Variants in SLCO4C1 observed in about 807,000 individuals in gnomAD.
The protein encoded by SLCO4C1 is organic anion transporter M1.
A neutral mutation model predicts 72.1 loss-of-function variants in SLCO4C1; 58 were observed. The ratio of observed to expected loss-of-function variants is 0.80; its 90% CI spans 0.65 to 1.00. The LOEUF is 1.00. Among genes scored for constraint, SLCO4C1 ranks in the 50% least tolerant of loss-of-function variants. SLCO4C1 has a pLI of 0.00. For synonymous variants in SLCO4C1, 297 were observed against 312.5 expected (o/e 0.95, Z 0.52); for missense variants, 898 against 857.9 (o/e 1.05, Z -0.58).
chr5:102,256,889 C>T (rs1027499032), intron 8 of SLCO4C1, among the ~76,000 whole-genome samples: 1 of 152,242 alleles, frequency 6.6e-6, no homozygotes, highest in African/African-American at 2.4e-5. Context: ...GTATAGTGCC[C>T]AGTATATGAA....
rs1748400671 is a variant in SLCO4C1, at chr5:102,234,610, G to A, written c.*2248C>T. On this transcript the variant is annotated 3_prime_UTR_variant, in exon 13 of 13. Coordinates refer to ENST00000310954, the MANE Select transcript of SLCO4C1 (RefSeq NM_180991.5). The stretch of plus-strand genomic sequence containing the variant: ...TTTATCAAACTATTTCTATGGATGG[G>A]TTGATTTTTTTTCTTCCTCTAAATT... 6.6e-6 allele frequency: 1 copy of A among 152,158 alleles called. No individual in the cohort carries two copies. Among genetic ancestry groups the A allele is most frequent in the South Asian group, 2.1e-4 (1 of 4,832 alleles). 9.4% of individuals were successfully genotyped at this position (152,158 alleles called of 1,614,324 possible).
In SLCO4C1 at chr5:102,236,675, G is replaced by T; in HGVS notation, c.*183C>A. 3.7e-6 allele frequency: 2 copies of T among 537,746 alleles called. No homozygotes were observed. Among genetic ancestry groups the T allele is most frequent in the East Asian group, 3.8e-5 (1 of 26,184 alleles). 33.3% of individuals were successfully genotyped at this position (537,746 alleles called of 1,614,324 possible). Reference sequence around the variant, plus strand: ...TTGAGGCTTTACGTGGGCTTTGAAGGCACAGGTCTGTTTCTTGCATAAAAC... The same window carrying T: ...TTGAGGCTTTACGTGGGCTTTGAAGTCACAGGTCTGTTTCTTGCATAAAAC... On this transcript the variant is annotated 3_prime_UTR_variant, in exon 13 of 13. Coordinates refer to ENST00000310954, the MANE Select transcript of SLCO4C1 (RefSeq NM_180991.5).
At chr5:102,275,900 A>G (rs944691112) in intron 2 of SLCO4C1, among the ~76,000 whole-genome samples, 4 of 152,230 alleles carry the variant, frequency 2.6e-5, no homozygotes, top group African/African-American at 9.6e-5. Context: ...AATCATAACA[A>G]AAGTGTCAAA....
chr5:102,251,987 C>T (rs1429710696), intron 8 of SLCO4C1, among the ~76,000 whole-genome samples: 6 of 143,052 alleles, frequency 4.2e-5, no homozygotes, highest in African/African-American at 7.8e-5. Flanking sequence ...ATAGAAGGAA[C>T]GGAATGAGGG....
chr5:102,266,210 C>T (rs1402758818), intron 3 of SLCO4C1, among the ~76,000 whole-genome samples: 1 of 151,980 alleles, frequency 6.6e-6, no homozygotes, highest in African/African-American at 2.4e-5. Context: ...TTGGTGGAGT[C>T]TTTAGATGTT....
At chr5:102,295,643 A>T (rs952720027) in intron 1 of SLCO4C1, among the ~76,000 whole-genome samples, 1 of 152,250 alleles carries the variant, frequency 6.6e-6, no homozygotes. Context: ...GAATCCGCTA[A>T]ACTGAGGTAA....
intron 5 of SLCO4C1, among the ~76,000 whole-genome samples, 185 bp downstream of exon 5, chr5:102,261,727 A>T (rs1224138551): frequency 6.6e-6 from 1 of 152,170 alleles, no homozygotes. Context: ...TTAAAAAAAC[A>T]TGAATATTAA....
At chr5:102,259,731 T>G (rs558995973) in intron 6 of SLCO4C1, among the ~76,000 whole-genome samples, 70 of 152,112 alleles carry the variant, frequency 4.6e-4, no homozygotes, top group Non-Finnish European at 9.0e-4. Context: ...AAGAAAAATA[T>G]TGTTTCAGAA....
intron 8 of SLCO4C1, among the ~76,000 whole-genome samples, chr5:102,250,976 G>A (rs1202783133): frequency 1.3e-5 from 2 of 151,732 alleles, no homozygotes; most frequent in Non-Finnish European, 2.9e-5. Context: ...AACAGAGTGA[G>A]ACTCCATACA....
rs1264840419 is a variant in SLCO4C1, at chr5:102,236,589, TGTGTGTGTGTGTGTTC to T, written c.*253_*268del. Reference sequence around the variant, plus strand: ...ATAAGTGTGTATGTGTGCGTGTGTGTGTGTGTGTGTGTGTTCGTGTGTGTGTGTGTGTGTGTGCTCG... The same window carrying T: ...ATAAGTGTGTATGTGTGCGTGTGTGTGTGTGTGTGTGTGTGTGTGTGCTCG... On this transcript the variant is annotated 3_prime_UTR_variant, in exon 13 of 13. Coordinates refer to ENST00000310954, the MANE Select transcript of SLCO4C1 (RefSeq NM_180991.5). The T allele has an allele frequency of 9.3e-6, 3 of 322,662 alleles. No homozygotes were observed. Among genetic ancestry groups the T allele is most frequent in the South Asian group, 3.4e-5 (1 of 29,680 alleles). 20.0% of individuals were successfully genotyped at this position (322,662 alleles called of 1,614,324 possible).
intron 5 of SLCO4C1, 22 bp downstream of exon 5, chr5:102,261,890 G>A: frequency 5.0e-6 from 8 of 1,601,434 alleles, no homozygotes; most frequent in Non-Finnish European, 6.8e-6. Flanking sequence ...AACCTCTCTG[G>A]TTTTAAAGAA....
intron 2 of SLCO4C1, among the ~76,000 whole-genome samples, chr5:102,272,948 A>AAAAGAAAG (rs376676176): frequency 3.3e-4 from 50 of 151,848 alleles, no homozygotes; most frequent in African/African-American, 1.2e-3. Context: ...TCATCTCAAA[A>AAAAGAAAG]AAAGAAAGAA....
intron 3 of SLCO4C1, among the ~76,000 whole-genome samples, chr5:102,264,490 T>A (rs1183781140): frequency 2.6e-5 from 4 of 152,048 alleles, no homozygotes; most frequent in Admixed American, 6.6e-5. Flanking sequence ...TTCCCCTTTT[T>A]TAGTTGACAC....
In SLCO4C1 at chr5:102,249,620, G is replaced by A. The variant is rs778609501; in HGVS notation, c.1620+18C>T. The A allele has an allele frequency of 5.0e-6, 8 of 1,613,108 alleles. No individual in the cohort carries two copies. In the African/African-American group the frequency reaches 1.1e-4, roughly 22 times the overall value. Reference sequence around the variant, plus strand: ...AACATATTGCCTCATTAAGGGAAAAGTAGGAGACATAAGCTACCTTTGGCT... The same window carrying A: ...AACATATTGCCTCATTAAGGGAAAAATAGGAGACATAAGCTACCTTTGGCT... On this transcript the variant is annotated intron_variant, in intron 9 of 12. Transcript: ENST00000310954.
intron 4 of SLCO4C1, among the ~76,000 whole-genome samples, chr5:102,262,416 T>A (rs1748959629): frequency 6.6e-6 from 1 of 152,292 alleles, no homozygotes; most frequent in South Asian, 2.1e-4. Context: ...AAGTCCAGAG[T>A]GTGCTTCAAT....
At chr5:102,254,419 TTC>T (rs1335579542) in intron 8 of SLCO4C1, among the ~76,000 whole-genome samples, 1 of 152,194 alleles carries the variant, frequency 6.6e-6, no homozygotes, top group Admixed American at 6.5e-5. Context: ...TCATTATCAT[TTC>T]TGTTATGGTG....
chr5:102,285,829 A>C (rs990964470), intron 2 of SLCO4C1, among the ~76,000 whole-genome samples: 6 of 152,168 alleles, frequency 3.9e-5, no homozygotes, highest in African/African-American at 1.4e-4. Context: ...AAAATTTAAG[A>C]AAAATAAGTG....
intron 1 of SLCO4C1, among the ~76,000 whole-genome samples, chr5:102,295,064 A>G (rs937869553): frequency 6.6e-6 from 1 of 152,100 alleles, no homozygotes; most frequent in Admixed American, 6.5e-5. Flanking sequence ...CTCAAAGTCA[A>G]CTCAGGTTAA....
intron 2 of SLCO4C1, among the ~76,000 whole-genome samples, chr5:102,286,813 G>A (rs841933): frequency 0.35 from 52,621 of 151,894 alleles, 9,464 homozygotes; most frequent in East Asian, 0.54. Flanking sequence ...GAAAGTCCAC[G>A]CTGTTTCAAA....
Sources: allele counts gnomAD v4.1 joint callset (sites outside exome capture counted in the v4.1 genomes callset), GRCh38; gene constraint gnomAD v4.1.1; transcripts MANE v1.5; gene names NCBI Gene and HGNC (gene_info 2026-07-23, HGNC 2026-07-21).